PNPLA1: variants seen among roughly 807,000 people sequenced by gnomAD.
PNPLA1 encodes the protein patatin like domain 1, omega-hydroxyceramide transacylase.
A neutral mutation model predicts 51.7 loss-of-function variants in PNPLA1; 36 were observed. The ratio of observed to expected loss-of-function variants is 0.70; its 90% CI spans 0.53 to 0.92. The LOEUF (loss-of-function observed/expected upper bound fraction) is 0.92, where lower values mean the gene tolerates loss of function less well. Ranked by LOEUF, PNPLA1 falls within the 40% of genes least tolerant of loss-of-function variation. The pLI is 0.00. For missense variants in PNPLA1, 658 were observed against 682.5 expected (o/e 0.96, Z 0.40); for synonymous variants, 293 against 280.1 (o/e 1.05, Z -0.46).
intron 1 of PNPLA1, among the ~76,000 whole-genome samples, chr6:36,275,929 AC>A (rs1770076663): frequency 6.9e-6 from 1 of 144,774 alleles, no homozygotes; most frequent in African/African-American, 2.7e-5. Context: ...GGGAAATGGG[AC>A]CTTTTTTACC....
intron 1 of PNPLA1, among the ~76,000 whole-genome samples, chr6:36,281,759 C>T (rs1770289240): frequency 1.3e-5 from 2 of 152,086 alleles, no homozygotes; most frequent in African/African-American, 4.8e-5. Flanking sequence ...GTGGCTCACA[C>T]CTGTAGTCCC....
chr6:36,309,142 C>T (rs373714998), intron 8 of PNPLA1, among the ~76,000 whole-genome samples: 7 of 152,126 alleles, frequency 4.6e-5, no homozygotes, highest in African/African-American at 1.7e-4. Context: ...AGGCTCATCT[C>T]GAAGTCTAAG....
chr6:36,251,627 G>A (rs1191708321), intron 1 of PNPLA1, among the ~76,000 whole-genome samples: 1 of 152,138 alleles, frequency 6.6e-6, no homozygotes, highest in African/African-American at 2.4e-5. Context: ...CAAGCTACTG[G>A]TAGTTCAAGA....
chr6:36,312,534 G>A lies in PNPLA1; in HGVS notation c.*648G>A, dbSNP rs1184856610. On this transcript the variant is annotated 3_prime_UTR_variant, in exon 9 of 9. Transcript: ENST00000636260. ...CCCCGGTGGAACTAAGGTTAGGGAAGTCCTAGATGGGGGATTTCCTAGGAA... is the reference window on the plus strand; with the variant it reads ...CCCCGGTGGAACTAAGGTTAGGGAAATCCTAGATGGGGGATTTCCTAGGAA... Among the ~76,000 whole-genome samples the A allele has an allele frequency of 1.3e-5, 2 of 152,150 alleles. No homozygotes were observed. The highest frequency in any genetic ancestry group is 2.9e-5 in the Non-Finnish European group (2 of 68,018).
At chr6:36,258,167 C>A (rs894309860) in intron 1 of PNPLA1, among the ~76,000 whole-genome samples, 1 of 152,140 alleles carries the variant, frequency 6.6e-6, no homozygotes, top group Non-Finnish European at 1.5e-5. Context: ...CTTAGCCATG[C>A]AGCTTGGAGT....
intron 7 of PNPLA1, 113 bp downstream of exon 7, chr6:36,306,489 GGTGT>G: frequency 1.1e-6 from 1 of 933,300 alleles, no homozygotes; most frequent in South Asian, 1.6e-5. Context: ...ATCCTTTTCT[GGTGT>G]GTGTGATTGT....
chr6:36,285,944 G>A (rs1326156039), intron 1 of PNPLA1, among the ~76,000 whole-genome samples: 3 of 152,108 alleles, frequency 2.0e-5, no homozygotes, highest in African/African-American at 4.8e-5. Flanking sequence ...CTCCAAGCTC[G>A]TATTTTGCTC....
chr6:36,295,435 G>A lies in PNPLA1; in HGVS notation c.775+11G>A, dbSNP rs1263597062. ...ACTTGAGGCGGCTGAGTAAGTACCG[G>A]TGGGGCCCCAGGTAAGGGCAGTGTT... On this transcript the variant is annotated intron_variant, in intron 5 of 8. Transcript: ENST00000636260. The A allele has an allele frequency of 1.9e-6, 3 of 1,614,016 alleles. No homozygotes were observed. Among genetic ancestry groups the A allele is most frequent in the East Asian group, 2.2e-5 (1 of 44,898 alleles).
chr6:36,290,566 C>A (rs978676433), intron 1 of PNPLA1, among the ~76,000 whole-genome samples: 1 of 152,188 alleles, frequency 6.6e-6, no homozygotes, highest in Non-Finnish European at 1.5e-5. Context: ...AGCAAGTTAG[C>A]ACTTCTTATT....
intron 1 of PNPLA1, among the ~76,000 whole-genome samples, chr6:36,244,512 T>C (rs1190747658): frequency 6.6e-6 from 1 of 152,094 alleles, no homozygotes; most frequent in Non-Finnish European, 1.5e-5. Flanking sequence ...TCATCCTCTA[T>C]TTGGTGGATG....
At chr6:36,285,671 C>A (rs1336605353) in intron 1 of PNPLA1, among the ~76,000 whole-genome samples, 1 of 152,186 alleles carries the variant, frequency 6.6e-6, no homozygotes, top group African/African-American at 2.4e-5. Flanking sequence ...TAAGTGCCCA[C>A]CGTATTCCAG....
rs1769873759 is a variant in PNPLA1 at position 36,270,381 on chromosome 6, A to G, written c.-79A>G. ...GGGAAGCTGGGTAGGGAGTTCCTAC[A>G]GGGAGCGGCAGCCCAGGCTCGGGCA... On this transcript the variant is annotated 5_prime_UTR_variant, in exon 1 of 9. Coordinates refer to ENST00000636260, the MANE Select transcript of PNPLA1 (RefSeq NM_001374623.1). 4 of 1,441,388 alleles carry G rather than the reference A, an allele frequency of 2.8e-6. No individual in the cohort carries two copies. The highest frequency in any genetic ancestry group is 2.0e-5 in the Admixed American group (1 of 50,256). 89.3% of individuals were successfully genotyped at this position (1,441,388 alleles called of 1,614,324 possible).
At chr6:36,293,362 C>T (rs372898112) in intron 3 of PNPLA1, among the ~76,000 whole-genome samples, 17 of 152,196 alleles carry the variant, frequency 1.1e-4, no homozygotes, top group South Asian at 4.1e-4. Context: ...ACTGCCAAGC[C>T]GGGCAAATCA....
At chr6:36,280,785 C>T (rs565931810) in intron 1 of PNPLA1, among the ~76,000 whole-genome samples, 4 of 152,140 alleles carry the variant, frequency 2.6e-5, no homozygotes, top group African/African-American at 7.2e-5. Flanking sequence ...TTGGGCTTTT[C>T]GTTGTTATTG....
At chr6:36,269,929 G>A (rs1769857429), upstream of PNPLA1, among the ~76,000 whole-genome samples, 1 of 152,228 alleles carries the variant, frequency 6.6e-6, no homozygotes, top group South Asian at 2.1e-4. Context: ...CCGTCCTCCT[G>A]GAGGGAGGCG....
At chr6:36,271,017 T>A (rs1769901246) in intron 1 of PNPLA1, among the ~76,000 whole-genome samples, 1 of 152,124 alleles carries the variant, frequency 6.6e-6, no homozygotes, top group African/African-American at 2.4e-5. Flanking sequence ...CAGTCATACA[T>A]TGGGGTTCAG....
intron 6 of PNPLA1, 106 bp from the exon 7 acceptor site, chr6:36,306,186 C>A: frequency 2.4e-6 from 2 of 844,058 alleles, no homozygotes; most frequent in Non-Finnish European, 3.7e-6. Context: ...CAAGAGAGTT[C>A]TTTGCTGTTT....
intron 5 of PNPLA1, among the ~76,000 whole-genome samples, chr6:36,297,407 C>G (rs1008857734): frequency 6.6e-6 from 1 of 151,976 alleles, no homozygotes; most frequent in African/African-American, 2.4e-5. Flanking sequence ...CAGAGCCACA[C>G]TCTTATCCCC....
chr6:36,305,699 C>T (rs767598136), intron 6 of PNPLA1, among the ~76,000 whole-genome samples: 5 of 151,784 alleles, frequency 3.3e-5, no homozygotes, highest in Non-Finnish European at 7.4e-5. Context: ...TCCTGAAAAC[C>T]TTCCCTAACA....
Sources: gnomAD v4.1 joint callset for allele counts (sites outside exome capture counted in the v4.1 genomes callset) on GRCh38, gnomAD v4.1.1 for gene constraint, MANE v1.5 for transcripts, NCBI Gene and HGNC (gene_info 2026-07-23, HGNC 2026-07-21) for gene names.